The following PKHD1 variants were observed in gnomAD, a reference collection of about 807,000 sequenced individuals.
PKHD1 encodes fibrocystin.
Under a neutral mutation model 412.0 loss-of-function variants are expected in PKHD1, and 291 were observed. The ratio of observed to expected loss-of-function variants is 0.71; its 90% CI spans 0.64 to 0.78. The LOEUF (loss-of-function observed/expected upper bound fraction) is 0.78. Ranked by LOEUF, PKHD1 falls within the 30% of genes least tolerant of loss-of-function variation. The pLI is 0.00. For missense variants in PKHD1, 4,825 were observed against 4,950.7 expected (o/e 0.97, Z 0.76); for synonymous variants, 1,777 against 1,821.5 (o/e 0.98, Z 0.62).
chr6:52,049,633 CTG>C (rs1806449048), intron 22 of PKHD1, among the ~76,000 whole-genome samples: 1 of 152,186 alleles, frequency 6.6e-6, no homozygotes, highest in Non-Finnish European at 1.5e-5. Flanking sequence ...GCTTTGTAAA[CTG>C]TGGCTAGAAA....
rs550707334 is a variant in PKHD1 at position 51,670,295 on chromosome 6, T to C, written c.10157-10326A>G. 1.5e-3 allele frequency among the ~76,000 whole-genome samples: 224 copies of C among 152,352 alleles called. 1 individual carries two copies. The highest frequency in any genetic ancestry group is 5.1e-3 in the African/African-American group (211 of 41,578). ...CTTGTTGAATTGATCCGTTTACCAT[T>C]ATGTAATGGCCTTCTTCGTCTCTTT... On this transcript the variant is annotated intron_variant, in intron 60 of 66. Transcript: ENST00000371117.
chr6:51,627,024 T>C lies in PKHD1; in HGVS notation c.11758A>G (p.Lys3920Glu), dbSNP rs1767327118. Reference sequence around the variant, plus strand: ...TCTCCCACCACAGTGTCTTCTTTTTTGGGCCCTTGTGATTCTCGGCGTTTG... The same window carrying C: ...TCTCCCACCACAGTGTCTTCTTTTTCGGGCCCTTGTGATTCTCGGCGTTTG... ...SSKRRESQGP[K>E]KEDTVVGEDM... The change falls in exon 66 of 67, where the codon AAA becomes GAA. Residue 3920 changes from lysine (K) to glutamate (E), a missense_variant. By Grantham distance (56) the Lys-to-Glu change is moderately conservative (BLOSUM62 1). Coordinates refer to ENST00000371117, the MANE Select transcript of PKHD1 (RefSeq NM_138694.4). 1 of 1,613,562 alleles carries C rather than the reference T, an allele frequency of 6.2e-7. No individual in the cohort carries two copies. The highest frequency in any genetic ancestry group is 1.7e-5 in the Admixed American group (1 of 59,984).
intron 32 of PKHD1, among the ~76,000 whole-genome samples, chr6:52,023,992 A>G (rs996731775): frequency 6.6e-6 from 1 of 152,180 alleles, no homozygotes; most frequent in Non-Finnish European, 1.5e-5. Context: ...ACCAAATTTG[A>G]ACTATCTCAA....
intron 36 of PKHD1, among the ~76,000 whole-genome samples, chr6:51,938,304 A>T (rs1052717710): frequency 2.6e-5 from 4 of 152,234 alleles, no homozygotes; most frequent in Non-Finnish European, 4.4e-5. Context: ...ATACATCCAG[A>T]TGGCCTGAAG....
intron 60 of PKHD1, among the ~76,000 whole-genome samples, chr6:51,694,464 A>G (rs1339924334): frequency 1.4e-5 from 2 of 145,956 alleles, no homozygotes; most frequent in Non-Finnish European, 3.0e-5. Flanking sequence ...GCTCACTGCA[A>G]CCTCTCCCTC....
At chr6:52,079,757 A>G (rs1457250275) in intron 5 of PKHD1, 143 bp downstream of exon 5, 4 of 746,262 alleles carry the variant, frequency 5.4e-6, no homozygotes, top group Non-Finnish European at 5.0e-6. Flanking sequence ...TTAGTATAAT[A>G]TAAGAAACTC....
intron 49 of PKHD1, among the ~76,000 whole-genome samples, chr6:51,852,656 G>A (rs9370070): frequency 0.4 from 61,020 of 151,572 alleles, 13,465 homozygotes; most frequent in East Asian, 0.85. Flanking sequence ...TTACCATTAT[G>A]TAATACCCTT....
chr6:51,694,548 CTTTTTTTTTT>C (rs67157925), intron 60 of PKHD1, among the ~76,000 whole-genome samples: 3 of 37,690 alleles, frequency 8.0e-5, no homozygotes, highest in East Asian at 1.1e-3. Context: ...CACAACCAGC[CTTTTTTTTTT>C]TTTTTTTTTT....
chr6:51,862,556 G>T (rs1244497375), intron 48 of PKHD1, among the ~76,000 whole-genome samples: 4 of 152,172 alleles, frequency 2.6e-5, no homozygotes, highest in African/African-American at 9.7e-5. Context: ...AGAGGAAAAG[G>T]TAGGCCAAAA....
intron 37 of PKHD1, among the ~76,000 whole-genome samples, chr6:51,922,447 G>T (rs755675279): frequency 6.6e-6 from 1 of 152,240 alleles, no homozygotes; most frequent in South Asian, 2.1e-4. Flanking sequence ...CAAACTCTGT[G>T]CTGGGAGAAC....
At chr6:52,070,499 C>T (rs1395362708) in intron 9 of PKHD1, 54 bp from the exon 10 acceptor site, 9 of 1,363,452 alleles carry the variant, frequency 6.6e-6, no homozygotes, top group Non-Finnish European at 7.3e-6. Context: ...GTCTTCTGGG[C>T]CAGGCCATTG....
rs112039899 is a variant in PKHD1, at chr6:51,969,218, C to A, written c.5752-9192G>T. ...CTTTAATTGCTGAAAGTGGTCACAG[C>A]CAACAGCCAGCAAGAAAATGAAGAC... is the stretch of plus-strand genomic sequence containing the variant. On this transcript the variant is annotated intron_variant, in intron 35 of 66. Coordinates refer to ENST00000371117, the MANE Select transcript of PKHD1 (RefSeq NM_138694.4). Among the ~76,000 whole-genome samples, 750 of 152,178 alleles carry A rather than the reference C, an allele frequency of 4.9e-3. 9 individuals are homozygous for A. The highest frequency in any genetic ancestry group is 0.017 in the African/African-American group (713 of 41,484).
intron 60 of PKHD1, among the ~76,000 whole-genome samples, chr6:51,686,838 T>C (rs1212214896): frequency 6.6e-6 from 1 of 152,210 alleles, no homozygotes; most frequent in Non-Finnish European, 1.5e-5. Context: ...CAGATTGAAA[T>C]TGAACATTCA....
At chr6:51,873,435 TTTA>T (rs1776324633) in intron 46 of PKHD1, among the ~76,000 whole-genome samples, 1 of 152,194 alleles carries the variant, frequency 6.6e-6, no homozygotes, top group African/African-American at 2.4e-5. Context: ...TGTTCATTTA[TTTA>T]TTATTAGTTT....
intron 4 of PKHD1, among the ~76,000 whole-genome samples, chr6:52,080,811 A>G (rs1470358115): frequency 6.6e-6 from 1 of 152,208 alleles, no homozygotes; most frequent in Admixed American, 6.5e-5. Context: ...TAATTTATAT[A>G]GATTACATAT....
intron 35 of PKHD1, among the ~76,000 whole-genome samples, chr6:51,973,457 G>A (rs62406000): frequency 2.6e-5 from 4 of 151,956 alleles, no homozygotes; most frequent in Non-Finnish European, 5.9e-5. Flanking sequence ...TCCTTTTTAC[G>A]TGTCCTCAAA....
chr6:51,993,195 G>A (rs1257383764), intron 35 of PKHD1, among the ~76,000 whole-genome samples: 3 of 152,252 alleles, frequency 2.0e-5, no homozygotes, highest in Non-Finnish European at 1.5e-5. Flanking sequence ...AGGGAGGTGA[G>A]TGGGGAGAAT....
intron 55 of PKHD1, among the ~76,000 whole-genome samples, chr6:51,763,791 G>C (rs1321660686): frequency 2.0e-5 from 3 of 151,910 alleles, no homozygotes; most frequent in Non-Finnish European, 2.9e-5. Context: ...CTCTTGCTGG[G>C]TGTCTCTGGA....
Position 51,884,032 on chromosome 6 carries a change from A to C in PKHD1, c.7216-805T>G, listed in dbSNP as rs71570553. On this transcript the variant is annotated intron_variant, in intron 45 of 66. Coordinates refer to ENST00000371117, the MANE Select transcript of PKHD1 (RefSeq NM_138694.4). ...GAGCTAATAAATTTCTGTTTATTAT[A>C]ATTTTCCCAAATTTTATTATTCTGT... is the stretch of plus-strand genomic sequence containing the variant. Among the ~76,000 whole-genome samples, 1,247 of 152,276 alleles carry C rather than the reference A, an allele frequency of 8.2e-3. 15 individuals are homozygous for C. Among genetic ancestry groups the C allele is most frequent in the Middle Eastern group, 0.024 (7 of 294 alleles).
Sources: allele counts gnomAD v4.1 joint callset (sites outside exome capture counted in the v4.1 genomes callset), GRCh38; gene constraint gnomAD v4.1.1; transcripts MANE v1.5; gene names NCBI Gene and HGNC (gene_info 2026-07-23, HGNC 2026-07-21).